MYZAP: variants seen among roughly 807,000 people sequenced by gnomAD.
The protein encoded by MYZAP is myocardial zonula adherens protein.
A neutral mutation model predicts 69.4 loss-of-function variants in MYZAP; 66 were observed. The ratio of observed to expected loss-of-function variants is 0.95; its 90% confidence interval spans 0.78 to 1.17. The LOEUF (loss-of-function observed/expected upper bound fraction) is 1.17. MYZAP is among the 50% of genes most tolerant of loss of function. The probability of loss-of-function intolerance (pLI) is 0.00; values close to 1 mark genes in which losing one functional copy is unlikely to be tolerated. For missense variants in MYZAP, 611 were observed against 556.2 expected, an observed-to-expected ratio of 1.10 and a Z score of -0.99; for synonymous variants, 256 against 205.9, an observed-to-expected ratio of 1.24 and a Z score of -2.09.
chr15:57,610,478 A>C (rs1455906633), intron 2 of MYZAP, among the ~76,000 whole-genome samples: 1 of 151,886 alleles, frequency 6.6e-6, no homozygotes, highest in Non-Finnish European at 1.5e-5. Context: ...CACACCAGGG[A>C]CTCTGCGTGC....
At chr15:57,624,369 G>A (rs112319597) in intron 4 of MYZAP, among the ~76,000 whole-genome samples, 291 of 152,234 alleles carry the variant, frequency 1.9e-3, no homozygotes, top group African/African-American at 6.8e-3. Flanking sequence ...TAGGAGTGGG[G>A]CTACGTAAAT....
At chr15:57,624,054 T>C (rs1433626535) in intron 4 of MYZAP, among the ~76,000 whole-genome samples, 3 of 152,196 alleles carry the variant, frequency 2.0e-5, no homozygotes, top group Non-Finnish European at 4.4e-5. Flanking sequence ...AGGGTGGTAA[T>C]TTTTTATAAA....
chr15:57,658,687 C>T (rs750172403), intron 10 of MYZAP, among the ~76,000 whole-genome samples: 22 of 152,132 alleles, frequency 1.4e-4, no homozygotes, highest in Non-Finnish European at 2.6e-4. Flanking sequence ...TGTGTTTCAT[C>T]GTGTATCACT....
intron 10 of MYZAP, chr15:57,648,535 T>C: frequency 1.0e-6 from 1 of 955,988 alleles, no homozygotes; most frequent in Non-Finnish European, 1.2e-6. Flanking sequence ...TCGCCCAGTT[T>C]TTTAAGCATG....
chr15:57,680,599 CA>C (rs1421370082), intron 12 of MYZAP: 1 of 152,130 alleles, frequency 6.6e-6, no homozygotes, highest in African/African-American at 2.4e-5. Context: ...AGAACAAGTG[CA>C]GGTCATCTAG....
At chr15:57,623,998 G>C (rs1390586611) in intron 4 of MYZAP, among the ~76,000 whole-genome samples, 1 of 152,140 alleles carries the variant, frequency 6.6e-6, no homozygotes, top group African/African-American at 2.4e-5. Context: ...AATCCAGAAA[G>C]TAACTAACAA....
chr15:57,637,917 T>C, intron 9 of MYZAP, 143 bp downstream of exon 9: 1 of 867,334 alleles, frequency 1.2e-6, no homozygotes, highest in East Asian at 2.8e-5. Context: ...GGGCTGAGAG[T>C]TTCCAATATG....
chr15:57,619,728 T>G (rs1471451188), intron 3 of MYZAP, among the ~76,000 whole-genome samples: 3 of 152,198 alleles, frequency 2.0e-5, no homozygotes, highest in Non-Finnish European at 4.4e-5. Context: ...CATTTTAATT[T>G]TCTTGTATTT....
At chr15:57,596,497 C>T (rs1443974064) in intron 1 of MYZAP, among the ~76,000 whole-genome samples, 1 of 152,228 alleles carries the variant, frequency 6.6e-6, no homozygotes, top group Non-Finnish European at 1.5e-5. Context: ...AAGAGCAATA[C>T]AGTGGTGTTT....
At chr15:57,612,105 G>A (rs1177254114) in intron 2 of MYZAP, among the ~76,000 whole-genome samples, 1 of 152,218 alleles carries the variant, frequency 6.6e-6, no homozygotes, top group African/African-American at 2.4e-5. Flanking sequence ...TTCCCGAAGT[G>A]CCAGCCTCTG....
At chr15:57,663,433 G>C (rs2038410290) in intron 11 of MYZAP, among the ~76,000 whole-genome samples, 1 of 152,184 alleles carries the variant, frequency 6.6e-6, no homozygotes, top group Admixed American at 6.5e-5. Flanking sequence ...CCCACTAGGG[G>C]AATGGGGAAA....
intron 1 of MYZAP, among the ~76,000 whole-genome samples, chr15:57,599,120 TGTTA>T (rs549887417): frequency 4.9e-4 from 74 of 152,318 alleles, no homozygotes; most frequent in African/African-American, 1.7e-3. Context: ...GGTATAGTAT[TGTTA>T]GTTCTTTTTA....
At chr15:57,628,951 C>T (rs1423904244) in intron 5 of MYZAP, among the ~76,000 whole-genome samples, 2 of 151,940 alleles carry the variant, frequency 1.3e-5, no homozygotes, top group Non-Finnish European at 2.9e-5. Flanking sequence ...GGCGTGGTGG[C>T]AGGCGCCTGT....
intron 10 of MYZAP, chr15:57,646,711 C>T: frequency 1.0e-6 from 1 of 986,592 alleles, no homozygotes; most frequent in Non-Finnish European, 1.2e-6. Flanking sequence ...GGGAGGTGGC[C>T]CTGAAGGTGT....
chr15:57,606,584 G>C (rs1173700654), intron 2 of MYZAP, among the ~76,000 whole-genome samples: 2 of 147,010 alleles, frequency 1.4e-5, no homozygotes, highest in Admixed American at 6.8e-5. Flanking sequence ...ATTGTGGGAT[G>C]GGGGGAGGGG....
At chr15:57,660,374 G>A (rs768831705) in intron 10 of MYZAP, among the ~76,000 whole-genome samples, 26 of 152,248 alleles carry the variant, frequency 1.7e-4, no homozygotes, top group South Asian at 6.2e-4. Context: ...GGGTGCAGTG[G>A]CATCATCATA....
intron 2 of MYZAP, among the ~76,000 whole-genome samples, chr15:57,604,809 G>A (rs1346140873): frequency 2.0e-5 from 3 of 152,232 alleles, no homozygotes; most frequent in Non-Finnish European, 4.4e-5. Context: ...CAGGGAAAGG[G>A]CACTTTCTTG....
intron 11 of MYZAP, among the ~76,000 whole-genome samples, chr15:57,667,656 C>G (rs1014321471): frequency 3.3e-5 from 5 of 152,168 alleles, no homozygotes; most frequent in Non-Finnish European, 1.5e-5. Flanking sequence ...AAATCTGTCC[C>G]ACGCTCTCTA....
chr15:57,620,216 A>T (rs966318214), intron 3 of MYZAP, among the ~76,000 whole-genome samples: 10 of 152,204 alleles, frequency 6.6e-5, no homozygotes, highest in Non-Finnish European at 1.2e-4. Context: ...CATGTGGGGA[A>T]GTCTGGGGGT....
Sources: allele counts gnomAD v4.1 joint callset (sites outside exome capture counted in the v4.1 genomes callset), GRCh38; gene constraint gnomAD v4.1.1; transcripts MANE v1.5; gene names NCBI Gene and HGNC (gene_info 2026-07-23, HGNC 2026-07-21).